Variants in ANKFN1 observed in about 807,000 individuals in gnomAD.
The protein encoded by ANKFN1 is ankyrin repeat and fibronectin type-III domain-containing protein 1.
In ANKFN1, 74 loss-of-function variants were observed where a neutral mutation model predicts 108.7. The ratio of observed to expected loss-of-function variants is 0.68; its 90% CI spans 0.56 to 0.83. The LOEUF (loss-of-function observed/expected upper bound fraction) is 0.83. Among genes scored for constraint, ANKFN1 ranks in the 40% least tolerant of loss-of-function variants. The pLI is 0.00. For synonymous variants in ANKFN1, 547 were observed against 516.2 expected (o/e 1.06, Z -0.81); for missense variants, 1,505 against 1,382.3 (o/e 1.09, Z -1.41).
chr17:56,261,013 CTG>C (rs995907186), intron 3 of ANKFN1, among the ~76,000 whole-genome samples: 70 of 152,218 alleles, frequency 4.6e-4, no homozygotes, highest in African/African-American at 1.6e-3. Flanking sequence ...AGATCGGAAT[CTG>C]TCCCTAAATG....
chr17:56,149,360 T>G (rs1336535427), upstream of ANKFN1, among the ~76,000 whole-genome samples: 5 of 152,236 alleles, frequency 3.3e-5, no homozygotes, highest in East Asian at 5.8e-4. Flanking sequence ...TGTCTTGGGA[T>G]GAGTAAGCTC....
chr17:56,446,920 AC>A lies in ANKFN1; in HGVS notation c.1100-2158del, dbSNP rs201706933. 8.2e-3 allele frequency among the ~76,000 whole-genome samples: 1,242 copies of A among 151,448 alleles called. 19 individuals carry two copies. The highest frequency in any genetic ancestry group is 0.029 in the African/African-American group (1,176 of 41,252). ...ACTCCGTCTCAAAACAAAAACAAAAACAAAAACCTCACTTTATAGGCCAGGC... is the reference window on the plus strand; with the variant it reads ...ACTCCGTCTCAAAACAAAAACAAAAAAAAAACCTCACTTTATAGGCCAGGC... On this transcript the variant is annotated intron_variant, in intron 10 of 20. Coordinates refer to ENST00000682825, the MANE Select transcript of ANKFN1 (RefSeq NM_001370326.1).
chr17:56,211,296 G>T (rs944474224), intron 1 of ANKFN1, among the ~76,000 whole-genome samples: 1 of 152,162 alleles, frequency 6.6e-6, no homozygotes, highest in Non-Finnish European at 1.5e-5. Flanking sequence ...GAGAGATGAG[G>T]ATCCAGTTTC....
At chr17:56,118,098 G>A (rs1031927423) in intron 4 of ANKFN1, among the ~76,000 whole-genome samples, 1 of 151,986 alleles carries the variant, frequency 6.6e-6, no homozygotes, top group African/African-American at 2.4e-5. Flanking sequence ...ACTCCAGTAC[G>A]TGGATATACT....
At chr17:56,473,542 A>G (rs1343401171) in intron 15 of ANKFN1, 3 of 151,864 alleles carry the variant, frequency 2.0e-5, no homozygotes, top group Non-Finnish European at 2.9e-5. Flanking sequence ...GCACGCCTGT[A>G]ATCCCAGCTA....
At chr17:56,090,794 G>C (rs1405473908) in intron 4 of ANKFN1, among the ~76,000 whole-genome samples, 2 of 151,024 alleles carry the variant, frequency 1.3e-5, no homozygotes, top group Non-Finnish European at 3.0e-5. Flanking sequence ...ATTTTGTACA[G>C]ATTGGCTCTC....
At chr17:56,114,347 C>A (rs949640134) in intron 4 of ANKFN1, among the ~76,000 whole-genome samples, 5 of 152,124 alleles carry the variant, frequency 3.3e-5, no homozygotes, top group African/African-American at 1.2e-4. Flanking sequence ...ACAGAAAGTA[C>A]AAATGGCTAA....
chr17:56,202,709 A>T (rs1477864681), intron 1 of ANKFN1, among the ~76,000 whole-genome samples: 1 of 152,182 alleles, frequency 6.6e-6, no homozygotes, highest in Non-Finnish European at 1.5e-5. Flanking sequence ...AAGAACATGG[A>T]TTTGTATAGG....
intron 3 of ANKFN1, among the ~76,000 whole-genome samples, chr17:56,270,404 G>C (rs1348061397): frequency 6.6e-6 from 1 of 152,230 alleles, no homozygotes; most frequent in Non-Finnish European, 1.5e-5. Flanking sequence ...GCTACAGGAA[G>C]AGAGAAAAGC....
intron 4 of ANKFN1, among the ~76,000 whole-genome samples, chr17:56,110,688 C>T (rs1905912420): frequency 6.6e-6 from 1 of 152,226 alleles, no homozygotes; most frequent in Non-Finnish European, 1.5e-5. Context: ...AACTCTGGGT[C>T]TACTGATACC....
intron 8 of ANKFN1, among the ~76,000 whole-genome samples, chr17:56,384,023 C>G (rs541497973): frequency 7.3e-6 from 1 of 136,958 alleles, no homozygotes; most frequent in African/African-American, 2.7e-5. Context: ...GAGACACAAC[C>G]AAAAAAGAGA....
chr17:56,326,287 T>A lies in ANKFN1; in HGVS notation c.120T>A (p.Asp40Glu). The A allele has an allele frequency of 3.1e-6, 5 of 1,614,044 alleles. No homozygotes were observed. The highest frequency in any genetic ancestry group is 3.4e-6 in the Non-Finnish European group (4 of 1,179,910). Residue 40 changes from aspartate (D) to glutamate (E), a missense_variant, in exon 4 of 21, where the codon GAT (aspartate) becomes GAA (glutamate). Physicochemically the swap from Asp to Glu is conservative, Grantham distance 45. Coordinates refer to ENST00000682825, the MANE Select transcript of ANKFN1 (RefSeq NM_001370326.1). The stretch of plus-strand genomic sequence containing the variant: ...ACAGGAGAAAGCAAAGCCAATGTGA[T>A]TTATTGAATGAAAGCACTGGACAAT... ...LSHRRKQSQC[D>E]LLNESTGQLP...
intron 1 of ANKFN1, chr17:56,174,123 G>A: frequency 1.1e-6 from 1 of 934,980 alleles, no homozygotes; most frequent in South Asian, 4.9e-5. Context: ...GACATTGTGG[G>A]TGGTGCAGTT....
chr17:56,500,890 C>T (rs1169302917), intron 20 of ANKFN1, among the ~76,000 whole-genome samples: 1 of 152,064 alleles, frequency 6.6e-6, no homozygotes, highest in African/African-American at 2.4e-5. Context: ...ATTCTAGAAA[C>T]AGGGACAAAG....
rs537706520 is a variant in ANKFN1 at position 56,137,304 on chromosome 17, G to C, written c.289-90613G>C. Among the ~76,000 whole-genome samples, 275 of 152,302 alleles carry C rather than the reference G, an allele frequency of 1.8e-3. 2 individuals are homozygous for C. Among genetic ancestry groups the C allele is most frequent in the Admixed American group, 4.1e-3 (62 of 15,280 alleles). On this transcript the variant is annotated intron_variant, in intron 4 of 12. Transcript: ENST00000635860. ...AATAATGTATTCCCTTAGGGGCCTGGCTCTATAAGACACAAATCTTAGAAA... is the reference window on the plus strand; with the variant it reads ...AATAATGTATTCCCTTAGGGGCCTGCCTCTATAAGACACAAATCTTAGAAA...
chr17:56,289,557 A>G (rs1009901801), intron 3 of ANKFN1, among the ~76,000 whole-genome samples: 3 of 152,214 alleles, frequency 2.0e-5, no homozygotes, highest in African/African-American at 7.2e-5. Context: ...GCTGGTTCAG[A>G]ATCAAACTTG....
At chr17:56,114,909 A>G (rs1300674916) in intron 4 of ANKFN1, among the ~76,000 whole-genome samples, 1 of 152,196 alleles carries the variant, frequency 6.6e-6, no homozygotes, top group Non-Finnish European at 1.5e-5. Context: ...GGCTTTGAAG[A>G]TGGAGGAAGG....
Position 56,292,777 on chromosome 17 carries a change from A to G in ANKFN1, c.54-33444A>G, listed in dbSNP as rs76345781. Among the ~76,000 whole-genome samples, 645 of 152,334 alleles carry G rather than the reference A, an allele frequency of 4.2e-3. 4 individuals carry two copies. Among genetic ancestry groups the G allele is most frequent in the African/African-American group, 0.013 (551 of 41,574 alleles). Reference sequence around the variant, plus strand: ...ACCTGGTGAAAACTAGCATGCTAGAAAAGAGCACAGGATGAAGCCTGACTG... The same window carrying G: ...ACCTGGTGAAAACTAGCATGCTAGAGAAGAGCACAGGATGAAGCCTGACTG... On this transcript the variant is annotated intron_variant, in intron 3 of 20. Transcript: ENST00000682825.
chr17:56,174,153 T>G, intron 1 of ANKFN1: 1 of 983,792 alleles, frequency 1.0e-6, no homozygotes. Context: ...GGGACTGCAT[T>G]CATTCTCTGG....
Sources: gnomAD v4.1 joint callset for allele counts (sites outside exome capture counted in the v4.1 genomes callset) on GRCh38, gnomAD v4.1.1 for gene constraint, MANE v1.5 for transcripts, NCBI Gene and HGNC (gene_info 2026-07-23, HGNC 2026-07-21) for gene names.